DLG2: variants seen among roughly 807,000 people sequenced by gnomAD.
DLG2 encodes the protein disks large homolog 2.
DLG2 carries 45 observed loss-of-function variants against 132.5 expected under a neutral mutation model. That is an observed-to-expected ratio of 0.34 (90% confidence interval 0.27 to 0.44). The LOEUF (loss-of-function observed/expected upper bound fraction) is 0.44, where lower values mean the gene tolerates loss of function less well. Among genes scored for constraint, DLG2 ranks in the 20% least tolerant of loss-of-function variants. The pLI, the probability that DLG2 is intolerant of heterozygous loss-of-function variation, is 1.00. For synonymous variants in DLG2, 424 were observed against 419.6 expected, an observed-to-expected ratio of 1.01 and a Z score of -0.13; for missense variants, 1,045 against 1,196.9, an observed-to-expected ratio of 0.87 and a Z score of 1.87.
intron 19 of DLG2, among the ~76,000 whole-genome samples, chr11:83,548,141 G>A (rs1367983): frequency 0.2 from 30,207 of 152,040 alleles, 3,274 homozygotes; most frequent in African/African-American, 0.24. Context: ...ACGCCCTGTA[G>A]TTATGTGAAA....
intron 6 of DLG2, among the ~76,000 whole-genome samples, chr11:85,037,098 G>A (rs1284359177): frequency 6.6e-6 from 1 of 152,184 alleles, no homozygotes; most frequent in Admixed American, 6.5e-5. Context: ...TTACAGCTAG[G>A]AGAAAAGATT....
intron 17 of DLG2, among the ~76,000 whole-genome samples, chr11:83,804,247 G>A (rs1310922065): frequency 1.3e-5 from 2 of 152,022 alleles, no homozygotes; most frequent in Non-Finnish European, 2.9e-5. Context: ...TCAAGAGGAG[G>A]AGATCTGAAT....
intron 9 of DLG2, among the ~76,000 whole-genome samples, chr11:84,112,260 A>G (rs1206632394): frequency 6.7e-6 from 1 of 149,646 alleles, no homozygotes; most frequent in Admixed American, 6.6e-5. Flanking sequence ...GGCCTCCCCA[A>G]GTACTGGGAT....
intron 6 of DLG2, among the ~76,000 whole-genome samples, chr11:84,667,347 T>C (rs770283507): frequency 5.9e-5 from 9 of 151,950 alleles, no homozygotes; most frequent in Non-Finnish European, 8.8e-5. Flanking sequence ...ATATAGATAA[T>C]ATAATCACAA....
At chr11:84,388,979 A>G (rs1310483005) in intron 7 of DLG2, among the ~76,000 whole-genome samples, 1 of 152,090 alleles carries the variant, frequency 6.6e-6, no homozygotes, top group African/African-American at 2.4e-5. Context: ...CCACTAAAGG[A>G]TATACTTTAA....
chr11:85,184,782 A>G (rs1412543169), intron 4 of DLG2, among the ~76,000 whole-genome samples: 1 of 149,456 alleles, frequency 6.7e-6, no homozygotes, highest in Non-Finnish European at 1.5e-5. Flanking sequence ...ACTTCTTTGG[A>G]AAAAAAAATA....
intron 2 of DLG2, among the ~76,000 whole-genome samples, chr11:85,622,302 G>C (rs908252710): frequency 2.6e-5 from 4 of 151,980 alleles, no homozygotes; most frequent in Admixed American, 6.6e-5. Flanking sequence ...TTGTATATAT[G>C]CATCAGAAAA....
chr11:84,133,756 T>C (rs535985566), intron 9 of DLG2, among the ~76,000 whole-genome samples: 69 of 152,074 alleles, frequency 4.5e-4, no homozygotes, highest in Non-Finnish European at 2.9e-4. Context: ...GCTGGGACTA[T>C]AGATGTACAC....
chr11:84,377,108 T>C (rs562562408), intron 7 of DLG2, among the ~76,000 whole-genome samples: 1 of 152,216 alleles, frequency 6.6e-6, no homozygotes, highest in Non-Finnish European at 1.5e-5. Flanking sequence ...TTTAATGTAA[T>C]ACAAATTACA....
chr11:85,024,912 T>C (rs1452197174), intron 6 of DLG2, among the ~76,000 whole-genome samples: 2 of 152,134 alleles, frequency 1.3e-5, no homozygotes, highest in Non-Finnish European at 2.9e-5. Flanking sequence ...AAATCAAACA[T>C]CAGTAAGTAG....
intron 4 of DLG2, among the ~76,000 whole-genome samples, chr11:85,221,025 C>T (rs928240393): frequency 2.6e-5 from 4 of 151,568 alleles, no homozygotes; most frequent in African/African-American, 7.3e-5. Context: ...AAATGGCCTA[C>T]TCAATAAAAA....
At chr11:83,752,724 G>A (rs1445023497) in intron 18 of DLG2, among the ~76,000 whole-genome samples, 2 of 141,228 alleles carry the variant, frequency 1.4e-5, no homozygotes, top group Non-Finnish European at 3.0e-5. Flanking sequence ...CTAAGGGATT[G>A]ATTCAATAGA....
intron 21 of DLG2, among the ~76,000 whole-genome samples, chr11:83,506,737 C>T (rs922210787): frequency 2.6e-5 from 4 of 152,184 alleles, no homozygotes; most frequent in Admixed American, 2.6e-4. Flanking sequence ...AATTTACAAA[C>T]TTAGTGTCCC....
At chr11:84,554,686 C>T (rs1402800182) in intron 6 of DLG2, among the ~76,000 whole-genome samples, 7 of 151,916 alleles carry the variant, frequency 4.6e-5, no homozygotes, top group Admixed American at 3.9e-4. Flanking sequence ...GGGGAGGTTG[C>T]GGTGAGCTGA....
chr11:85,079,948 C>T (rs935632779), intron 6 of DLG2, among the ~76,000 whole-genome samples: 3 of 152,024 alleles, frequency 2.0e-5, no homozygotes, highest in Non-Finnish European at 4.4e-5. Context: ...ATCTTGATAT[C>T]CTCTCAGTAA....
chr11:85,006,226 A>C (rs906431223), intron 6 of DLG2, among the ~76,000 whole-genome samples: 20 of 152,246 alleles, frequency 1.3e-4, no homozygotes, highest in African/African-American at 4.8e-4. Flanking sequence ...TGCTATCAGG[A>C]TGATGCTGTC....
At chr11:85,549,550 G>C (rs774151039) in intron 3 of DLG2, among the ~76,000 whole-genome samples, 3 of 152,140 alleles carry the variant, frequency 2.0e-5, no homozygotes, top group Non-Finnish European at 4.4e-5. Context: ...AAACGTCAGA[G>C]GCATTTGAGC....
Position 84,708,620 on chromosome 11 carries a change from A to T in DLG2, c.358-173889T>A, listed in dbSNP as rs557704244. Among the ~76,000 whole-genome samples the T allele has an allele frequency of 3.9e-5, 6 of 151,934 alleles. No individual in the cohort carries two copies. In the South Asian group the frequency reaches 1.2e-3, roughly 31 times the overall value. On this transcript the variant is annotated intron_variant, in intron 6 of 27. Coordinates refer to ENST00000376104, the MANE Select transcript of DLG2 (RefSeq NM_001142699.3). ...GATGCTTGCTCTCCCTTCAGCCAAA[A>T]CAGGCATCCGGTTTCTACAATAAAT...
intron 4 of DLG2, among the ~76,000 whole-genome samples, chr11:85,216,790 G>A (rs551862992): frequency 2.6e-5 from 4 of 151,938 alleles, no homozygotes; most frequent in Non-Finnish European, 4.4e-5. Flanking sequence ...TCCACCTCCC[G>A]GGTTCAAGCA....
Sources: allele counts gnomAD v4.1 joint callset (sites outside exome capture counted in the v4.1 genomes callset), GRCh38; gene constraint gnomAD v4.1.1; transcripts MANE v1.5; gene names NCBI Gene and HGNC (gene_info 2026-07-23, HGNC 2026-07-21).